Variants in ZMYND8 observed in about 807,000 individuals in gnomAD.
ZMYND8 encodes zinc finger MYND-type containing 8, also known as MYND-type zinc finger-containing chromatin reader ZMYND8.
Under a neutral mutation model 140.8 loss-of-function variants are expected in ZMYND8, and 37 were observed. The observed-to-expected ratio is 0.26, with a 90% CI of 0.20 to 0.35. ZMYND8 has a LOEUF of 0.35. Among genes scored for constraint, ZMYND8 ranks in the 10% least tolerant of loss-of-function variants. ZMYND8 has a pLI of 1.00. For synonymous variants in ZMYND8, 592 were observed against 597.1 expected, an observed-to-expected ratio of 0.99 and a Z score of 0.12; for missense variants, 1,068 against 1,570.0, an observed-to-expected ratio of 0.68 and a Z score of 5.40.
intron 1 of ZMYND8, among the ~76,000 whole-genome samples, chr20:47,350,623 G>GA (rs573355539): frequency 4.0e-4 from 60 of 151,490 alleles, no homozygotes; most frequent in African/African-American, 1.3e-3. Context: ...TCATTTGGGG[G>GA]AAAAAAAACA....
At chr20:47,254,911 G>C (rs1236282952) in intron 12 of ZMYND8, among the ~76,000 whole-genome samples, 1 of 152,078 alleles carries the variant, frequency 6.6e-6, no homozygotes, top group African/African-American at 2.4e-5. Context: ...CAGATCACTC[G>C]AGGTCAGGAG....
intron 3 of ZMYND8, among the ~76,000 whole-genome samples, chr20:47,308,998 CT>C (rs1397951324): frequency 6.6e-6 from 1 of 152,212 alleles, no homozygotes; most frequent in Non-Finnish European, 1.5e-5. Flanking sequence ...ACACTGTTTC[CT>C]TCAGTGCTAT....
intron 14 of ZMYND8, among the ~76,000 whole-genome samples, chr20:47,244,087 G>C (rs1462243678): frequency 6.6e-6 from 1 of 152,166 alleles, no homozygotes; most frequent in Non-Finnish European, 1.5e-5. Context: ...GACAGCTGAG[G>C]TTCCAGAGCA....
chr20:47,313,487 T>C (rs2079119753), intron 2 of ZMYND8, among the ~76,000 whole-genome samples: 1 of 151,802 alleles, frequency 6.6e-6, no homozygotes, highest in African/African-American at 2.4e-5. Context: ...CCGGGCGTGG[T>C]GGCGGGCGCC....
At chr20:47,243,935 G>A (rs2040243679) in intron 14 of ZMYND8, among the ~76,000 whole-genome samples, 1 of 152,138 alleles carries the variant, frequency 6.6e-6, no homozygotes, top group African/African-American at 2.4e-5. Flanking sequence ...TTTTTCAGAG[G>A]CCATCTATAA....
rs115698404 is a variant in ZMYND8, at chr20:47,210,624, G to A, written c.*137C>T. 2,232 of 1,434,416 alleles carry A rather than the reference G, an allele frequency of 1.6e-3. 31 individuals carry two copies. In the African/African-American group the frequency reaches 0.027, roughly 17 times the overall value. The allele number at this position is 1,434,416 out of a possible 1,614,324, so 88.9% of individuals were successfully genotyped here. A position where few individuals can be genotyped will look rare whatever the true frequency, so the allele number is the denominator to read the frequency against. On this transcript the variant is annotated 3_prime_UTR_variant, in exon 23 of 23. Coordinates refer to ENST00000471951, the MANE Select transcript of ZMYND8 (RefSeq NM_001281775.3). ...CCTGTAGTGTAGCAGCCCCCGCGCC[G>A]GGGGCTCAGGCTCAACTGAGGGTTT...
intron 2 of ZMYND8, among the ~76,000 whole-genome samples, chr20:47,346,904 G>A (rs879830304): frequency 3.9e-5 from 6 of 152,142 alleles, no homozygotes; most frequent in East Asian, 1.9e-4. Context: ...CACGCCTGGC[G>A]ACACGCTGTC....
intron 11 of ZMYND8, among the ~76,000 whole-genome samples, chr20:47,262,734 G>A (rs1021032781): frequency 1.3e-5 from 2 of 152,138 alleles, no homozygotes; most frequent in Non-Finnish European, 2.9e-5. Flanking sequence ...GCCCATTCAC[G>A]GATATAAATC....
chr20:47,242,195 A>T (rs1281578138), intron 14 of ZMYND8, among the ~76,000 whole-genome samples: 1 of 152,170 alleles, frequency 6.6e-6, no homozygotes, highest in Non-Finnish European at 1.5e-5. Context: ...TTCATTCAGT[A>T]AGCTGTGGGT....
chr20:47,352,475 T>A, intron 1 of ZMYND8: 1 of 985,438 alleles, frequency 1.0e-6, no homozygotes, highest in Non-Finnish European at 1.2e-6. Flanking sequence ...ATGCACAGGA[T>A]ACTCACAAAT....
At chr20:47,238,645 G>T (rs1439420529) in intron 15 of ZMYND8, 113 bp downstream of exon 15, 1 of 1,510,236 alleles carries the variant, frequency 6.6e-7, no homozygotes, top group Non-Finnish European at 8.9e-7. Context: ...AGATACAATG[G>T]CCCGGAAACA....
chr20:47,345,200 G>A lies in ZMYND8; in HGVS notation c.85+2656C>T, dbSNP rs185612850. Among the ~76,000 whole-genome samples the A allele has an allele frequency of 4.8e-3, 723 of 152,138 alleles. 7 individuals carry two copies. Among genetic ancestry groups the A allele is most frequent in the African/African-American group, 0.017 (690 of 41,498 alleles). On this transcript the variant is annotated intron_variant, in intron 2 of 22. Coordinates refer to ENST00000471951, the MANE Select transcript of ZMYND8 (RefSeq NM_001281775.3). Reference sequence around the variant, plus strand: ...TAATGAAATGACTCCTTCAGACTCCGTGGCCACCAAAAGCCTCTTTGAGGA... The same window carrying A: ...TAATGAAATGACTCCTTCAGACTCCATGGCCACCAAAAGCCTCTTTGAGGA...
intron 21 of ZMYND8, among the ~76,000 whole-genome samples, chr20:47,217,060 T>C (rs540485118): frequency 6.6e-6 from 1 of 152,008 alleles, no homozygotes; most frequent in Admixed American, 6.5e-5. Flanking sequence ...CAAATGGACA[T>C]GCTAGGAAAA....
chr20:47,298,986 A>C lies in ZMYND8; in HGVS notation c.235-39T>G. 6.3e-7 allele frequency: 1 copy of C among 1,587,274 alleles called. No individual in the cohort carries two copies. Among genetic ancestry groups the C allele is most frequent in the Non-Finnish European group, 8.7e-7 (1 of 1,156,014 alleles). Reference sequence around the variant, plus strand: ...AAAAAGACAGGTTTGGTTTCAAAACAAATGTGCATTCTCAAAAGGAATTTG... The same window carrying C: ...AAAAAGACAGGTTTGGTTTCAAAACCAATGTGCATTCTCAAAAGGAATTTG... On this transcript the variant is annotated intron_variant, in intron 3 of 22. Coordinates refer to ENST00000471951, the MANE Select transcript of ZMYND8 (RefSeq NM_001281775.3). This position sits in a 1 kb window ranked among gnomAD's most constrained non-coding sequence, Gnocchi z 5.0.
intron 2 of ZMYND8, among the ~76,000 whole-genome samples, chr20:47,344,308 C>A (rs1022642884): frequency 6.6e-6 from 1 of 152,102 alleles, no homozygotes; most frequent in Non-Finnish European, 1.5e-5. Context: ...ATAATACATA[C>A]CCTTGATGTG....
intron 2 of ZMYND8, among the ~76,000 whole-genome samples, chr20:47,347,552 A>G (rs893904221): frequency 1.3e-5 from 2 of 152,144 alleles, no homozygotes; most frequent in Non-Finnish European, 2.9e-5. Context: ...CTTCCAGAAC[A>G]TGCTTTATTT....
intron 12 of ZMYND8, among the ~76,000 whole-genome samples, chr20:47,256,764 C>T (rs1284971043): frequency 6.6e-6 from 1 of 152,088 alleles, no homozygotes; most frequent in Non-Finnish European, 1.5e-5. Context: ...AAAGAAAGCC[C>T]GACTTCCAAG....
At chr20:47,313,442 G>C (rs1214942348) in intron 2 of ZMYND8, among the ~76,000 whole-genome samples, 2 of 151,868 alleles carry the variant, frequency 1.3e-5, no homozygotes, top group African/African-American at 4.8e-5. Context: ...CTAACATGGT[G>C]AAACCCCGTC....
intron 2 of ZMYND8, among the ~76,000 whole-genome samples, chr20:47,344,231 G>T (rs1277718079): frequency 6.6e-6 from 1 of 151,890 alleles, no homozygotes; most frequent in Non-Finnish European, 1.5e-5. Context: ...CCCCACCTTG[G>T]CCTCCCAAAG....
Sources: allele counts gnomAD v4.1 joint callset (sites outside exome capture counted in the v4.1 genomes callset), GRCh38; gene constraint gnomAD v4.1.1; non-coding constraint Gnocchi (gnomAD v3.1); transcripts MANE v1.5; gene names NCBI Gene and HGNC (gene_info 2026-07-23, HGNC 2026-07-21).